Variants in PCDHA7 observed in about 807,000 individuals in gnomAD.
PCDHA7 encodes the protein protocadherin alpha-7.
In PCDHA7, 37 loss-of-function variants were observed where a neutral mutation model predicts 57.2. The observed-to-expected ratio is 0.65, with a 90% confidence interval of 0.50 to 0.85. The LOEUF is 0.85. PCDHA7 is among the 40% of genes least tolerant of loss of function. PCDHA7 has a pLI of 0.00. For synonymous variants in PCDHA7, 553 were observed against 558.8 expected, an observed-to-expected ratio of 0.99 and a Z score of 0.15; for missense variants, 1,188 against 1,241.8, an observed-to-expected ratio of 0.96 and a Z score of 0.65.
intron 1 of PCDHA7, chr5:140,883,308 C>A: frequency 6.2e-7 from 1 of 1,614,102 alleles, no homozygotes; most frequent in Non-Finnish European, 8.5e-7. Context: ...AATGATAACG[C>A]CCCAGAGGTT....
chr5:140,912,426 G>T (rs1349647535), intron 1 of PCDHA7, among the ~76,000 whole-genome samples: 1 of 151,784 alleles, frequency 6.6e-6, no homozygotes, highest in Non-Finnish European at 1.5e-5. Flanking sequence ...GTGTATAGCA[G>T]TGTTGCTGAT....
chr5:140,982,221 A>T, intron 2 of PCDHA7: 1 of 546,340 alleles, frequency 1.8e-6, no homozygotes. Flanking sequence ...ACATGGCGTT[A>T]ATAAAAAACA....
At chr5:140,883,416 G>A (rs782422692) in intron 1 of PCDHA7, 3 of 1,614,158 alleles carry the variant, frequency 1.9e-6, no homozygotes, top group East Asian at 2.2e-5. Context: ...GGCTCAAATG[G>A]ACAGGTCACC....
At chr5:140,890,961 TTTTG>T (rs1239214366) in intron 1 of PCDHA7, among the ~76,000 whole-genome samples, 3 of 152,172 alleles carry the variant, frequency 2.0e-5, no homozygotes, top group African/African-American at 7.2e-5. Flanking sequence ...TGATTTCAGG[TTTTG>T]TTTTTCTGAA....
intron 1 of PCDHA7, among the ~76,000 whole-genome samples, chr5:140,894,895 A>G (rs557164845): frequency 6.6e-6 from 1 of 152,316 alleles, no homozygotes; most frequent in South Asian, 2.1e-4. Context: ...AGACCAGGAT[A>G]ATTTTCCTAT....
chr5:140,927,731 T>G lies in PCDHA7; in HGVS notation c.2356-51218T>G, dbSNP rs781789205. 19 of 1,614,078 alleles carry G rather than the reference T, an allele frequency of 1.2e-5. No individual in the cohort carries two copies. The highest frequency in any genetic ancestry group is 1.4e-5 in the Non-Finnish European group (17 of 1,180,038). ...CTAAGCAACAGCACGCAAGCAGAGC[T>G]GCGACACCGCTTTCACGTGCACCCT... On this transcript the variant is annotated intron_variant, in intron 1 of 3. Transcript: ENST00000525929.
chr5:140,842,517 C>T (rs2150337878), intron 1 of PCDHA7: 7 of 1,613,506 alleles, frequency 4.3e-6, no homozygotes, highest in South Asian at 1.1e-5. Context: ...AAGCTGGTGT[C>T]CACCTTCAAG....
At chr5:140,973,800 C>A (rs1554235613) in intron 1 of PCDHA7, among the ~76,000 whole-genome samples, 1 of 152,236 alleles carries the variant, frequency 6.6e-6, no homozygotes, top group Non-Finnish European at 1.5e-5. Context: ...ATGCTGTCTA[C>A]TTGACAGAAT....
At chr5:140,884,812 G>C in intron 1 of PCDHA7, 2 of 1,117,104 alleles carry the variant, frequency 1.8e-6, no homozygotes, top group Non-Finnish European at 2.5e-6. Flanking sequence ...ACTCTGCTGT[G>C]GACATTATGT....
At position 140,834,730 on chromosome 5, in the gene PCDHA7, T is replaced by G; in HGVS notation, c.347T>G (p.Val116Gly). 2 of 1,614,148 alleles carry G rather than the reference T, an allele frequency of 1.2e-6. No homozygotes were observed. Among genetic ancestry groups the G allele is most frequent in the Non-Finnish European group, 1.7e-6 (2 of 1,180,026 alleles). The change falls in exon 1 of 4, where the codon GTT becomes GGT. Residue 116 changes from valine to glycine, a missense_variant. Val to Gly is a moderately radical substitution (Grantham distance 109, BLOSUM62 -3). This residue lies in a region of PCDHA7 where 194 missense variants were observed against 185.8 expected (regional missense o/e 1.04). Transcript: ENST00000525929. ...LEVIVERPLQ[V>G]FHVDVEVKDI... ...GTGATCGTGGAAAGGCCGCTGCAGG[T>G]TTTCCATGTGGACGTGGAGGTGAAG...
At chr5:140,945,664 C>T (rs1342424562) in intron 1 of PCDHA7, among the ~76,000 whole-genome samples, 1 of 152,048 alleles carries the variant, frequency 6.6e-6, no homozygotes, top group Admixed American at 6.5e-5. Context: ...ATACAGCTCC[C>T]AGAAATAAAT....
chr5:140,860,245 T>C (rs2046291646), intron 1 of PCDHA7: 1 of 151,496 alleles, frequency 6.6e-6, no homozygotes, highest in Non-Finnish European at 1.5e-5. Flanking sequence ...TGGTGGTACA[T>C]GCCTTTAGTC....
intron 1 of PCDHA7, among the ~76,000 whole-genome samples, chr5:140,915,255 A>G (rs2077044659): frequency 6.6e-6 from 1 of 152,018 alleles, no homozygotes; most frequent in African/African-American, 2.4e-5. Flanking sequence ...CCAGGTTGTT[A>G]TTATTTTTGA....
At position 140,835,626 on chromosome 5, in the gene PCDHA7, C is replaced by G. The variant is rs2150239729; in HGVS notation, c.1243C>G (p.Arg415Gly). ...ATTGGTGCTGGACAGCGCTCTGGAC[C>G]GCGAGAGTGTGTCCGCCTATGAGCT... is the stretch of plus-strand genomic sequence containing the variant. Reference protein sequence around the residue: ...YSLVLDSALDRESVSAYELVV... With the variant: ...YSLVLDSALDGESVSAYELVV... The change falls in exon 1 of 4, where the codon CGC becomes GGC. Residue 415 changes from arginine to glycine, a missense_variant. Arg to Gly is a moderately radical substitution (Grantham distance 125). Transcript: ENST00000525929. 21 of 1,613,762 alleles carry G rather than the reference C, an allele frequency of 1.3e-5. No homozygotes were observed. The highest frequency in any genetic ancestry group is 1.1e-5 in the South Asian group (1 of 91,068).
In PCDHA7 at chr5:140,836,148, C is replaced by A; in HGVS notation, c.1765C>A (p.His589Asn). ...TGTGCCGCGGTCTGTGGGCGCGGGC[C>A]ATGTGGTGGCGAAGGTACGTGCAGT... Reference protein sequence around the residue: ...ELVPRSVGAGHVVAKVRAVDA... With the variant: ...ELVPRSVGAGNVVAKVRAVDA... The change falls in exon 1 of 4, where the codon CAT becomes AAT. Residue 589 changes from histidine to asparagine, a missense_variant. Coordinates refer to ENST00000525929, the MANE Select transcript of PCDHA7 (RefSeq NM_018910.3). The A allele has an allele frequency of 6.2e-7, 1 of 1,613,764 alleles. No individual in the cohort carries two copies. The highest frequency in any genetic ancestry group is 8.5e-7 in the Non-Finnish European group (1 of 1,179,794).
At chr5:140,888,048 A>G (rs534072281) in intron 1 of PCDHA7, among the ~76,000 whole-genome samples, 40 of 152,296 alleles carry the variant, frequency 2.6e-4, no homozygotes, top group African/African-American at 9.4e-4. Context: ...TGTATAATAG[A>G]TGTTTTAACT....
chr5:140,903,540 A>G (rs531687543), intron 1 of PCDHA7, among the ~76,000 whole-genome samples: 46 of 152,352 alleles, frequency 3.0e-4, no homozygotes, highest in African/African-American at 9.9e-4. Flanking sequence ...AACTAGAGCA[A>G]GAAACTTTTC....
chr5:140,870,175 G>C (rs2051727190), intron 1 of PCDHA7: 1 of 1,614,012 alleles, frequency 6.2e-7, no homozygotes, highest in South Asian at 1.1e-5. Context: ...GTCCCTCCCA[G>C]TACGAGAGGA....
chr5:140,845,303 T>C (rs937124524), intron 1 of PCDHA7, among the ~76,000 whole-genome samples: 1 of 149,684 alleles, frequency 6.7e-6, no homozygotes, highest in African/African-American at 2.4e-5. Flanking sequence ...TATGTCTACC[T>C]GGTTCTCAGG....
Sources: allele counts gnomAD v4.1 joint callset (sites outside exome capture counted in the v4.1 genomes callset), GRCh38; gene constraint gnomAD v4.1.1; regional missense constraint gnomAD v4.1.1; transcripts MANE v1.5; gene names NCBI Gene and HGNC (gene_info 2026-07-23, HGNC 2026-07-21).